The following PTPRK variants were observed in gnomAD, a reference collection of about 807,000 sequenced individuals.
The protein encoded by PTPRK is protein tyrosine phosphatase receptor type K.
PTPRK carries 75 observed loss-of-function variants against 178.0 expected under a neutral mutation model. That is an observed-to-expected ratio of 0.42 (90% CI 0.35 to 0.51). PTPRK has a LOEUF of 0.51. Among genes scored for constraint, PTPRK ranks in the 20% least tolerant of loss-of-function variants. The probability of loss-of-function intolerance (pLI) is 0.02; values close to 1 mark genes in which losing one functional copy is unlikely to be tolerated. For missense variants in PTPRK, 1,441 were observed against 1,797.8 expected, an observed-to-expected ratio of 0.80 and a Z score of 3.59; for synonymous variants, 637 against 620.6, an observed-to-expected ratio of 1.03 and a Z score of -0.39.
At chr6:128,091,463 A>G (rs1419676330) in intron 7 of PTPRK, among the ~76,000 whole-genome samples, 1 of 152,164 alleles carries the variant, frequency 6.6e-6, no homozygotes, top group Non-Finnish European at 1.5e-5. Flanking sequence ...TAACCAGGCA[A>G]TGAGAACTAG....
intron 1 of PTPRK, among the ~76,000 whole-genome samples, chr6:128,465,582 C>A (rs1281603236): frequency 2.0e-5 from 3 of 152,134 alleles, no homozygotes; most frequent in Non-Finnish European, 4.4e-5. Context: ...ATTGTCAGGG[C>A]TGACTTTATC....
At chr6:128,061,923 A>G (rs1049734110) in intron 13 of PTPRK, 3 of 152,200 alleles carry the variant, frequency 2.0e-5, no homozygotes, top group Admixed American at 1.3e-4. Context: ...AAGTGCACAC[A>G]TTTTAAATGT....
intron 13 of PTPRK, among the ~76,000 whole-genome samples, chr6:128,011,232 T>C (rs148575444): frequency 1.5e-3 from 227 of 151,328 alleles, no homozygotes; most frequent in African/African-American, 5.2e-3. Context: ...CTTTAGTCCA[T>C]GCAACAAATC....
At chr6:128,350,268 T>C (rs1295225758) in intron 2 of PTPRK, among the ~76,000 whole-genome samples, 4 of 152,162 alleles carry the variant, frequency 2.6e-5, no homozygotes, top group Non-Finnish European at 4.4e-5. Context: ...AAGGTAGCAA[T>C]CAGGGTCAGA....
chr6:128,348,492 T>G (rs1832705558), intron 2 of PTPRK, among the ~76,000 whole-genome samples: 1 of 152,018 alleles, frequency 6.6e-6, no homozygotes, highest in African/African-American at 2.4e-5. Flanking sequence ...TATTTGTACT[T>G]AAAAACTATG....
At chr6:128,004,999 C>A in intron 15 of PTPRK, 85 bp downstream of exon 15, 1 of 1,180,346 alleles carries the variant, frequency 8.5e-7, no homozygotes, top group Non-Finnish European at 1.2e-6. Flanking sequence ...TTCCTACTCT[C>A]TCTCATTACT....
At position 128,331,756 on chromosome 6, in the gene PTPRK, T is replaced by G. The variant is rs1375785151; in HGVS notation, c.224-9446A>C. Among the ~76,000 whole-genome samples the G allele has an allele frequency of 1.6e-4, 8 of 49,046 alleles. No homozygotes were observed. The Admixed American group carries it at 1.8e-3, about 11-fold the overall frequency. 32.2% of individuals were successfully genotyped at this position (49,046 alleles called of 152,430 possible). ...GAAAAAGTTAGAAAAAGTAAACTTGTCCCCCAAACTTCAAATTAACTGAAT... is the reference window on the plus strand; with the variant it reads ...GAAAAAGTTAGAAAAAGTAAACTTGGCCCCCAAACTTCAAATTAACTGAAT... On this transcript the variant is annotated intron_variant, in intron 2 of 29. Transcript: ENST00000368226.
intron 13 of PTPRK, among the ~76,000 whole-genome samples, chr6:128,051,904 T>C (rs1484515849): frequency 2.0e-5 from 3 of 152,182 alleles, no homozygotes; most frequent in African/African-American, 7.2e-5. Context: ...GTTTCTAGTG[T>C]TTTCTGTCTC....
intron 14 of PTPRK, among the ~76,000 whole-genome samples, chr6:128,005,825 G>A (rs77378506): frequency 2.2e-3 from 219 of 101,458 alleles, no homozygotes; most frequent in Non-Finnish European, 3.5e-3. Context: ...TAAATTAAAA[G>A]TAGCTGGACA....
chr6:127,985,286 T>G (rs77676197), intron 22 of PTPRK, among the ~76,000 whole-genome samples: 5,364 of 152,288 alleles, frequency 0.035, 136 homozygotes, highest in South Asian at 0.078. Context: ...ATAGCTGTTT[T>G]GCAGCACAAA....
intron 25 of PTPRK, among the ~76,000 whole-genome samples, chr6:127,978,738 A>G (rs1156278413): frequency 1.3e-5 from 2 of 152,152 alleles, no homozygotes; most frequent in Non-Finnish European, 2.9e-5. Context: ...CTGATAAGAG[A>G]GGAGAAGACT....
At chr6:128,347,392 C>T (rs1832564417) in intron 2 of PTPRK, among the ~76,000 whole-genome samples, 2 of 152,148 alleles carry the variant, frequency 1.3e-5, no homozygotes, top group Admixed American at 1.3e-4. Flanking sequence ...CTAATTCAGG[C>T]AACTGAAAGA....
rs532956954 is a variant in PTPRK at position 128,117,920 on chromosome 6, G to A, written c.1163-27928C>T. On this transcript the variant is annotated intron_variant, in intron 7 of 29. Transcript: ENST00000368226. ...CACCCACGTCGGCCAAAGTGTTGGGGTTACAGGCTTCAGCCACTGTGCCTG... is the reference window on the plus strand; with the variant it reads ...CACCCACGTCGGCCAAAGTGTTGGGATTACAGGCTTCAGCCACTGTGCCTG... Among the ~76,000 whole-genome samples, 6 of 152,144 alleles carry A rather than the reference G, an allele frequency of 3.9e-5. No homozygotes were observed. The East Asian group carries it at 1.2e-3, about 29-fold the overall frequency.
At chr6:128,207,159 A>C (rs1807127404) in intron 6 of PTPRK, among the ~76,000 whole-genome samples, 1 of 152,084 alleles carries the variant, frequency 6.6e-6, no homozygotes, top group South Asian at 2.1e-4. Flanking sequence ...ACTTCTTACC[A>C]CCAAGCCATC....
At chr6:128,494,069 G>A (rs1854302386) in intron 1 of PTPRK, among the ~76,000 whole-genome samples, 1 of 152,064 alleles carries the variant, frequency 6.6e-6, no homozygotes, top group Admixed American at 6.6e-5. Context: ...AGGTGTCTGT[G>A]GTCCAACTAC....
intron 6 of PTPRK, among the ~76,000 whole-genome samples, chr6:128,189,385 G>A (rs1334756885): frequency 6.6e-6 from 1 of 151,328 alleles, no homozygotes; most frequent in Non-Finnish European, 1.5e-5. Flanking sequence ...GACTACAGGT[G>A]CATGCCACCA....
At chr6:128,136,924 T>C (rs1221783395) in intron 7 of PTPRK, among the ~76,000 whole-genome samples, 1 of 152,222 alleles carries the variant, frequency 6.6e-6, no homozygotes, top group Non-Finnish European at 1.5e-5. Context: ...TCCACAGTTC[T>C]GAAGTGGACC....
intron 6 of PTPRK, among the ~76,000 whole-genome samples, chr6:128,214,313 T>C (rs1808815129): frequency 6.6e-6 from 1 of 152,140 alleles, no homozygotes. Context: ...CTATGATTCA[T>C]ACTGTTACTT....
intron 3 of PTPRK, among the ~76,000 whole-genome samples, chr6:128,304,360 C>A (rs1265109215): frequency 6.6e-6 from 1 of 152,048 alleles, no homozygotes; most frequent in Non-Finnish European, 1.5e-5. Context: ...AAATAAGTAC[C>A]CATGTTTCAT....
Sources: gnomAD v4.1 joint callset for allele counts (sites outside exome capture counted in the v4.1 genomes callset) on GRCh38, gnomAD v4.1.1 for gene constraint, MANE v1.5 for transcripts, NCBI Gene and HGNC (gene_info 2026-07-23, HGNC 2026-07-21) for gene names.